Variants in RFTN1 observed in about 807,000 individuals in gnomAD.
The protein encoded by RFTN1 is raftlin, lipid raft linker 1, also known as raftlin.
RFTN1 carries 26 observed loss-of-function variants against 46.5 expected under a neutral mutation model. The ratio of observed to expected loss-of-function variants is 0.56; its 90% CI spans 0.41 to 0.78. The LOEUF is 0.78. RFTN1 is among the 30% of genes least tolerant of loss of function. The probability of loss-of-function intolerance (pLI) is 0.00; values close to 1 mark genes in which losing one functional copy is unlikely to be tolerated. For missense variants in RFTN1, 693 were observed against 718.7 expected, an observed-to-expected ratio of 0.96 and a Z score of 0.41; for synonymous variants, 261 against 284.2, an observed-to-expected ratio of 0.92 and a Z score of 0.82.
chr3:16,349,727 A>C (rs2071965443), intron 7 of RFTN1: 1 of 152,266 alleles, frequency 6.6e-6, no homozygotes, highest in East Asian at 1.9e-4. Flanking sequence ...TAATGGCATC[A>C]CAGCATTTGT....
rs1160939614 is a variant in RFTN1 at position 16,345,817 on chromosome 3, T to TGTGTGTGTGTGTGTGTGTGTGTGTGTGC, written c.1146+12114_1146+12115insGCACACACACACACACACACACACACAC. ...GTGTGTGTGTGTGTGTGTGTGTGTG[T>TGTGTGTGTGTGTGTGTGTGTGTGTGTGC]GCGCGCGCGCGTGCGCGCACGCGCA... is the stretch of plus-strand genomic sequence containing the variant. On this transcript the variant is annotated intron_variant, in intron 7 of 9. Transcript: ENST00000334133. The surrounding 1 kb of genome is among the most constrained non-coding windows in gnomAD (Gnocchi z 5.2). Among the ~76,000 whole-genome samples the TGTGTGTGTGTGTGTGTGTGTGTGTGTGC allele has an allele frequency of 1.3e-5, 1 of 74,540 alleles. No individual in the cohort carries two copies. The highest frequency in any genetic ancestry group is 5.5e-5 in the African/African-American group (1 of 18,090). The allele number at this position is 74,540 out of a possible 152,430, so 48.9% of individuals were successfully genotyped here.
chr3:16,407,325 G>A lies in RFTN1; in HGVS notation c.441+2050C>T, dbSNP rs907366943. On this transcript the variant is annotated intron_variant, in intron 4 of 9. Transcript: ENST00000334133. The surrounding 1 kb of genome is among the most constrained non-coding windows in gnomAD (Gnocchi z 4.0). ...AGCCTCTAGAGTAGCTAGGACTATA[G>A]TCAAGCACCACCATGCTCGGCTTTT... 6.6e-6 allele frequency among the ~76,000 whole-genome samples: 1 copy of A among 151,934 alleles called. No individual in the cohort carries two copies. Among genetic ancestry groups the A allele is most frequent in the Non-Finnish European group, 1.5e-5 (1 of 68,008 alleles).
Position 16,326,894 on chromosome 3 carries a change from G to C in RFTN1, c.1147-18C>G. On this transcript the variant is annotated intron_variant, in intron 7 of 9. Coordinates refer to ENST00000334133, the MANE Select transcript of RFTN1 (RefSeq NM_015150.2). Reference sequence around the variant, plus strand: ...TCGACACCCTGGGGGAACAAGGCCAGCATTAGGGCTGCTGCTGCCACAAGC... The same window carrying C: ...TCGACACCCTGGGGGAACAAGGCCACCATTAGGGCTGCTGCTGCCACAAGC... 1 of 1,597,306 alleles carries C rather than the reference G, an allele frequency of 6.3e-7. No homozygotes were observed. Among genetic ancestry groups the C allele is most frequent in the Non-Finnish European group, 8.6e-7 (1 of 1,167,438 alleles).
chr3:16,392,694 T>C (rs1385081679), intron 4 of RFTN1, among the ~76,000 whole-genome samples: 1 of 143,772 alleles, frequency 7.0e-6, no homozygotes, highest in Non-Finnish European at 1.5e-5. Flanking sequence ...TATATATATA[T>C]CATAAATAAA....
At chr3:16,417,129 C>A (rs1161894388) in intron 3 of RFTN1, among the ~76,000 whole-genome samples, 6 of 151,798 alleles carry the variant, frequency 4.0e-5, no homozygotes, top group Non-Finnish European at 8.8e-5. Context: ...CCCACCTCAG[C>A]CCCCCAAGTA....
chr3:16,409,567 G>C lies in RFTN1; in HGVS notation c.333-84C>G, dbSNP rs142147318. On this transcript the variant is annotated intron_variant, in intron 3 of 9. Coordinates refer to ENST00000334133, the MANE Select transcript of RFTN1 (RefSeq NM_015150.2). The stretch of plus-strand genomic sequence containing the variant: ...AGTCTCACTCTTGTCACCCAGGCTG[G>C]AGTGCAATGACGCGATCTCGGCTCA... 4.2e-6 allele frequency: 4 copies of C among 943,416 alleles called. No homozygotes were observed. In the African/African-American group the frequency reaches 6.5e-5, roughly 15 times the overall value. The allele number at this position is 943,416 out of a possible 1,614,324, so 58.4% of individuals were successfully genotyped here.
At chr3:16,406,708 G>A (rs2074866339) in intron 4 of RFTN1, among the ~76,000 whole-genome samples, 1 of 152,188 alleles carries the variant, frequency 6.6e-6, no homozygotes, top group Admixed American at 6.5e-5. Context: ...GAGACTTTGA[G>A]CAAAATGACA....
chr3:16,492,783 G>A (rs764710963), intron 2 of RFTN1, among the ~76,000 whole-genome samples: 8 of 152,126 alleles, frequency 5.3e-5, no homozygotes, highest in Non-Finnish European at 1.0e-4. Context: ...TCATTTGTAT[G>A]GGTCTCCTGT....
chr3:16,324,479 T>C (rs509464), intron 8 of RFTN1, among the ~76,000 whole-genome samples: 86,071 of 151,870 alleles, frequency 0.57, 24,431 homozygotes, highest in African/African-American at 0.61. Flanking sequence ...TTCTACTCTC[T>C]GCTTCTATGA....
At chr3:16,398,069 A>C (rs2074511395) in intron 4 of RFTN1, among the ~76,000 whole-genome samples, 1 of 151,506 alleles carries the variant, frequency 6.6e-6, no homozygotes, top group South Asian at 2.1e-4. Flanking sequence ...AAATGGTGAA[A>C]CCCCGTCTCT....
At chr3:16,333,894 G>A (rs2070585314) in intron 7 of RFTN1, among the ~76,000 whole-genome samples, 1 of 152,206 alleles carries the variant, frequency 6.6e-6, no homozygotes. Context: ...AGCCGGGCGT[G>A]GTGGCTCACG....
intron 2 of RFTN1, among the ~76,000 whole-genome samples, chr3:16,476,593 G>C (rs1334324226): frequency 6.6e-6 from 1 of 152,160 alleles, no homozygotes; most frequent in Non-Finnish European, 1.5e-5. Context: ...AGACTATAAG[G>C]ATGGGAGGGA....
chr3:16,391,889 T>G lies in RFTN1; in HGVS notation c.442-13787A>C, dbSNP rs1324947282. ...TTTTTGTTTTTTTTTTTTGTTTTTT[T>G]TTTTGTTTTTTTTACGGGGAAGAAA... On this transcript the variant is annotated intron_variant, in intron 4 of 9. Coordinates refer to ENST00000334133, the MANE Select transcript of RFTN1 (RefSeq NM_015150.2). Among the ~76,000 whole-genome samples the G allele has an allele frequency of 2.1e-3, 106 of 50,740 alleles. 1 individual carries two copies. The highest frequency in any genetic ancestry group is 7.8e-3 in the African/African-American group (83 of 10,632). The allele number at this position is 50,740 out of a possible 152,430, so 33.3% of individuals were successfully genotyped here. A position where few individuals can be genotyped will look rare whatever the true frequency, so the allele number is the denominator to read the frequency against.
At chr3:16,394,146 C>A (rs1272910857) in intron 4 of RFTN1, among the ~76,000 whole-genome samples, 1 of 151,934 alleles carries the variant, frequency 6.6e-6, no homozygotes, top group Non-Finnish European at 1.5e-5. Flanking sequence ...ATGGGAGGAT[C>A]ACTTGAGGCC....
chr3:16,322,049 C>G lies in RFTN1; in HGVS notation c.1332+1327G>C, dbSNP rs956952852. Among the ~76,000 whole-genome samples the G allele has an allele frequency of 6.6e-6, 1 of 152,186 alleles. No homozygotes were observed. The highest frequency in any genetic ancestry group is 1.5e-5 in the Non-Finnish European group (1 of 68,048). On this transcript the variant is annotated intron_variant, in intron 9 of 9. Coordinates refer to ENST00000334133, the MANE Select transcript of RFTN1 (RefSeq NM_015150.2). The surrounding 1 kb of genome is among the most constrained non-coding windows in gnomAD (Gnocchi z 6.2). ...GTGTCTGTCAGCATCTGACAGGGGC[C>G]CTTTGCGTGCTGTGTGTTGAATGTT...
In RFTN1 at chr3:16,460,959, G is replaced by A. The variant is rs1343445544; in HGVS notation, c.146-26922C>T. On this transcript the variant is annotated intron_variant, in intron 2 of 9. Coordinates refer to ENST00000334133, the MANE Select transcript of RFTN1 (RefSeq NM_015150.2). This position sits in a 1 kb window ranked among gnomAD's most constrained non-coding sequence, Gnocchi z 4.8. ...AGGTTTGGTCCCAATGTAAAATGAA[G>A]TCTCAGAACCCACGGCTCAGCCATT... 6.6e-6 allele frequency among the ~76,000 whole-genome samples: 1 copy of A among 152,224 alleles called. No individual in the cohort carries two copies. The highest frequency in any genetic ancestry group is 2.4e-5 in the African/African-American group (1 of 41,452).
At position 16,483,850 on chromosome 3, in the gene RFTN1, T is replaced by C. The variant is rs1050950925; in HGVS notation, c.145+9875A>G. Among the ~76,000 whole-genome samples, 2 of 152,208 alleles carry C rather than the reference T, an allele frequency of 1.3e-5. No homozygotes were observed. Among genetic ancestry groups the C allele is most frequent in the African/African-American group, 2.4e-5 (1 of 41,462 alleles). On this transcript the variant is annotated intron_variant, in intron 2 of 9. Coordinates refer to ENST00000334133, the MANE Select transcript of RFTN1 (RefSeq NM_015150.2). This position sits in a 1 kb window ranked among gnomAD's most constrained non-coding sequence, Gnocchi z 4.8. The stretch of plus-strand genomic sequence containing the variant: ...AGCATCAGCATTGCCTGGGAACTTA[T>C]TACAAAAGCAGATTCTCAGGCCTTG...
chr3:16,328,984 A>G, intron 7 of RFTN1, among the ~76,000 whole-genome samples: 1 of 152,236 alleles, frequency 6.6e-6, no homozygotes, highest in East Asian at 1.9e-4. Context: ...TAAGGTTTGA[A>G]TGTATCCCCC....
At chr3:16,454,702 C>G in intron 2 of RFTN1, 1 of 934,320 alleles carries the variant, frequency 1.1e-6, no homozygotes, top group Non-Finnish European at 1.3e-6. Flanking sequence ...TCCTTCACAA[C>G]TCTTTCTAGA....
Sources: gnomAD v4.1 joint callset for allele counts (sites outside exome capture counted in the v4.1 genomes callset) on GRCh38, gnomAD v4.1.1 for gene constraint, Gnocchi (gnomAD v3.1) non-coding constraint, MANE v1.5 for transcripts, NCBI Gene and HGNC (gene_info 2026-07-23, HGNC 2026-07-21) for gene names.